GPX5: variants seen among roughly 807,000 people sequenced by gnomAD.
GPX5 encodes epididymal secretory glutathione peroxidase.
A neutral mutation model predicts 23.8 loss-of-function variants in GPX5; 20 were observed. That is an observed-to-expected ratio of 0.84 (90% confidence interval 0.59 to 1.22). GPX5 has a LOEUF of 1.22. Ranked by LOEUF, GPX5 falls within the 50% of genes most tolerant of loss-of-function variation. The pLI is 0.00. For missense variants in GPX5, 230 were observed against 266.6 expected (o/e 0.86, Z 0.96); for synonymous variants, 92 against 99.5 (o/e 0.92, Z 0.45).
At chr6:28,529,708 T>C in intron 2 of GPX5, 104 bp downstream of exon 2, 1 of 910,606 alleles carries the variant, frequency 1.1e-6, no homozygotes, top group South Asian at 2.4e-5. Flanking sequence ...TGTACCAAAA[T>C]AAATACTCAT....
At chr6:28,526,172 C>A in intron 1 of GPX5, 72 bp downstream of exon 1, 1 of 1,105,240 alleles carries the variant, frequency 9.0e-7, no homozygotes, top group Non-Finnish European at 1.4e-6. Flanking sequence ...TCCACTCCTT[C>A]TTGTAAGACT....
rs966933727 is a variant in GPX5 at position 28,534,479 on chromosome 6, C to T, written c.*312C>T. On this transcript the variant is annotated 3_prime_UTR_variant, in exon 5 of 5. Transcript: ENST00000412168. ...CCACCAGAGGGAAATCATCCTTCCA[C>T]GACAATGGTTCAGTCGGCCATCACA... 2.9e-5 allele frequency: 8 copies of T among 275,780 alleles called. No homozygotes were observed. The highest frequency in any genetic ancestry group is 6.4e-5 in the East Asian group (1 of 15,594). 17.1% of individuals were successfully genotyped at this position (275,780 alleles called of 1,614,324 possible).
At chr6:28,529,812 G>A (rs570459253) in intron 2 of GPX5, among the ~76,000 whole-genome samples, 1 of 152,258 alleles carries the variant, frequency 6.6e-6, no homozygotes, top group East Asian at 1.9e-4. Context: ...AAGTTTTATT[G>A]GAATGCAGCC....
At chr6:28,532,452 C>T (rs767033767) in intron 4 of GPX5, 32 bp downstream of exon 4, 7 of 1,317,690 alleles carry the variant, frequency 5.3e-6, no homozygotes, top group Non-Finnish European at 6.5e-6. Context: ...GCCTCCTCCT[C>T]TTTTCTAATA....
At position 28,529,455 on chromosome 6, in the gene GPX5, A is replaced by T. The variant is rs928621277; in HGVS notation, c.92A>T (p.Asp31Val). The change falls in exon 2 of 5, where the codon GAT becomes GTT. Residue 31 changes from aspartate to valine, a missense_variant. Asp to Val is a radical substitution (Grantham distance 152). Transcript: ENST00000412168. The part of the protein sequence containing the change: ...TSPKQEKMKM[D>V]CHKDEKGTIY... The stretch of plus-strand genomic sequence containing the variant: ...CACTTAAAAAAAATCTTCCAGATGG[A>T]TTGCCACAAAGACGAGAAAGGCACC... 4.4e-6 allele frequency: 7 copies of T among 1,604,666 alleles called. No homozygotes were observed. In the African/African-American group the frequency reaches 5.4e-5, roughly 12 times the overall value.
chr6:28,532,506 C>A, intron 4 of GPX5, 86 bp downstream of exon 4: 1 of 873,766 alleles, frequency 1.1e-6, no homozygotes, highest in Non-Finnish European at 1.8e-6. Context: ...TCCAAGGGCT[C>A]ATGCCCAGAG....
intron 4 of GPX5, among the ~76,000 whole-genome samples, chr6:28,533,411 A>C (rs1289315148): frequency 6.6e-6 from 1 of 152,220 alleles, no homozygotes; most frequent in Non-Finnish European, 1.5e-5. Flanking sequence ...AAAAAAGAAC[A>C]GTGTGGGAAG....
intron 1 of GPX5, among the ~76,000 whole-genome samples, chr6:28,528,831 A>G (rs9717566): frequency 0.032 from 12 of 378 alleles, 3 homozygotes; most frequent in South Asian, 0.083. Context: ...ATATATATAT[A>G]TATATATATA....
intron 1 of GPX5, among the ~76,000 whole-genome samples, chr6:28,528,796 T>C (rs1355185334): frequency 9.5e-6 from 1 of 104,914 alleles, no homozygotes; most frequent in African/African-American, 4.8e-5. Context: ...TATATATGTG[T>C]ATATATATAT....
chr6:28,528,686 T>C (rs922105338), intron 1 of GPX5: 1 of 151,762 alleles, frequency 6.6e-6, no homozygotes, highest in African/African-American at 2.4e-5. Context: ...TCCTTTTCCA[T>C]TATCCGTGTA....
intron 3 of GPX5, 131 bp from the exon 4 acceptor site, chr6:28,532,190 C>G: frequency 1.5e-6 from 1 of 656,272 alleles, no homozygotes; most frequent in South Asian, 2.1e-5. Context: ...CAAAACATGG[C>G]CATATTCCTC....
chr6:28,534,391 A>C lies in GPX5; in HGVS notation c.*224A>C, dbSNP rs1178112538. ...TTTGCCTCTCAAGAGTATGTGGGTG[A>C]AGACTGAAACAAATGGAAACCTAAA... On this transcript the variant is annotated 3_prime_UTR_variant, in exon 5 of 5. Transcript: ENST00000412168. 4 of 419,384 alleles carry C rather than the reference A, an allele frequency of 9.5e-6. No individual in the cohort carries two copies. The highest frequency in any genetic ancestry group is 1.7e-5 in the Non-Finnish European group (4 of 238,632). 26.0% of individuals were successfully genotyped at this position (419,384 alleles called of 1,614,324 possible). A position where few individuals can be genotyped will look rare whatever the true frequency, so the allele number is the denominator to read the frequency against.
chr6:28,528,153 A>G (rs1234784072), intron 1 of GPX5: 2 of 152,188 alleles, frequency 1.3e-5, no homozygotes, highest in Non-Finnish European at 2.9e-5. Context: ...AGGGTTCTCC[A>G]TCTCCTTTCT....
At chr6:28,529,800 C>T (rs1036391812) in intron 2 of GPX5, among the ~76,000 whole-genome samples, 196 bp downstream of exon 2, 1 of 152,112 alleles carries the variant, frequency 6.6e-6, no homozygotes, top group Non-Finnish European at 1.5e-5. Context: ...GCTTTGTTAA[C>T]AAAGTTTTAT....
rs780155555 is a variant in GPX5, at chr6:28,526,117, G to A, written c.87+17G>A. 1.3e-6 allele frequency: 2 copies of A among 1,585,148 alleles called. No homozygotes were observed. The highest frequency in any genetic ancestry group is 1.7e-6 in the Non-Finnish European group (2 of 1,154,608). On this transcript the variant is annotated intron_variant, in intron 1 of 4. Coordinates refer to ENST00000412168, the MANE Select transcript of GPX5 (RefSeq NM_001509.3). ...AAGATGAAGGTGAGTGAGCTTCAGA[G>A]AGGGCATGGTAGTTACTCTTCTGTC... is the stretch of plus-strand genomic sequence containing the variant.
intron 2 of GPX5, among the ~76,000 whole-genome samples, chr6:28,530,296 CT>C (rs975545765): frequency 1.3e-5 from 2 of 152,070 alleles, no homozygotes; most frequent in African/African-American, 4.8e-5. Flanking sequence ...GAAGAATTTT[CT>C]CATATTTTAG....
At position 28,534,874 on chromosome 6, in the gene GPX5, T is replaced by G. The variant is rs532012150; in HGVS notation, c.*707T>G. 1.3e-5 allele frequency: 2 copies of G among 152,316 alleles called. No individual in the cohort carries two copies. Among genetic ancestry groups the G allele is most frequent in the African/African-American group, 4.8e-5 (2 of 41,564 alleles). 9.4% of individuals were successfully genotyped at this position (152,316 alleles called of 1,614,324 possible). The stretch of plus-strand genomic sequence containing the variant: ...CCTTTATCTTTTGAAGGATGGGATT[T>G]CCCATCTCAACCCTGGATTCCTCAC... On this transcript the variant is annotated 3_prime_UTR_variant, in exon 5 of 5. Transcript: ENST00000412168.
chr6:28,531,187 G>T (rs1246335447), intron 2 of GPX5, among the ~76,000 whole-genome samples: 9 of 132,726 alleles, frequency 6.8e-5, no homozygotes, highest in Non-Finnish European at 1.3e-4. Flanking sequence ...TGGCTAACAT[G>T]GCGAAACCCC....
At chr6:28,532,964 T>C (rs936556855) in intron 4 of GPX5, among the ~76,000 whole-genome samples, 1 of 151,728 alleles carries the variant, frequency 6.6e-6, no homozygotes, top group Admixed American at 6.6e-5. Context: ...ACAAAACAAA[T>C]CAAAAAATTA....
Sources: allele counts gnomAD v4.1 joint callset (sites outside exome capture counted in the v4.1 genomes callset), GRCh38; gene constraint gnomAD v4.1.1; transcripts MANE v1.5; gene names NCBI Gene and HGNC (gene_info 2026-07-23, HGNC 2026-07-21).